The following PRKDC variants were observed in gnomAD, a reference collection of about 807,000 sequenced individuals.
PRKDC encodes the protein DNA-dependent protein kinase catalytic subunit.
A neutral mutation model predicts 486.9 loss-of-function variants in PRKDC; 82 were observed. That is an observed-to-expected ratio of 0.17 (90% CI 0.14 to 0.20). The LOEUF is 0.20. Ranked by LOEUF, PRKDC falls within the 10% of genes least tolerant of loss-of-function variation. The probability of loss-of-function intolerance (pLI) is 1.00; values close to 1 mark genes in which losing one functional copy is unlikely to be tolerated. For synonymous variants in PRKDC, 1,895 were observed against 1,837.0 expected, an observed-to-expected ratio of 1.03 and a Z score of -0.81; for missense variants, 4,504 against 5,038.2, an observed-to-expected ratio of 0.89 and a Z score of 3.21.
chr8:47,840,778 A>G (rs927506976), intron 54 of PRKDC, among the ~76,000 whole-genome samples: 1 of 152,220 alleles, frequency 6.6e-6, no homozygotes, highest in Non-Finnish European at 1.5e-5. Context: ...GTAGATACTC[A>G]GTGAATGTAA....
intron 76 of PRKDC, among the ~76,000 whole-genome samples, chr8:47,787,129 A>C (rs2086804864): frequency 6.6e-6 from 1 of 152,188 alleles, no homozygotes; most frequent in South Asian, 2.1e-4. Flanking sequence ...TTGAATTATA[A>C]ATCTGATATC....
chr8:47,900,832 G>A (rs1318296734), intron 27 of PRKDC, among the ~76,000 whole-genome samples: 4 of 151,068 alleles, frequency 2.6e-5, no homozygotes, highest in Non-Finnish European at 4.4e-5. Flanking sequence ...CTGGGCAACA[G>A]AGCAAGACTC....
intron 4 of PRKDC, 137 bp downstream of exon 4, chr8:47,955,737 G>A: frequency 1.6e-6 from 1 of 623,068 alleles, no homozygotes; most frequent in East Asian, 2.9e-5. Flanking sequence ...TGGAGAATGT[G>A]CATCTTACCC....
Position 47,799,467 on chromosome 8 carries a change from A to G in PRKDC, c.10117-77T>C, listed in dbSNP as rs527844512. 73 of 1,341,868 alleles carry G rather than the reference A, an allele frequency of 5.4e-5. No individual in the cohort carries two copies. In the South Asian group the frequency reaches 1.3e-3, roughly 23 times the overall value. 83.1% of individuals were successfully genotyped at this position (1,341,868 alleles called of 1,614,324 possible). Reference sequence around the variant, plus strand: ...GAACTCTGCTTTCCATTTGTGACTCATGACACATAAATGGATCAACAGCTC... The same window carrying G: ...GAACTCTGCTTTCCATTTGTGACTCGTGACACATAAATGGATCAACAGCTC... On this transcript the variant is annotated intron_variant, in intron 71 of 85. Coordinates refer to ENST00000314191, the MANE Select transcript of PRKDC (RefSeq NM_006904.7).
intron 17 of PRKDC, among the ~76,000 whole-genome samples, 177 bp downstream of exon 17, chr8:47,930,495 A>T (rs2090231998): frequency 6.6e-6 from 1 of 152,062 alleles, no homozygotes; most frequent in Non-Finnish European, 1.5e-5. Context: ...GATAGTCTTG[A>T]TCTCCTGACC....
chr8:47,820,462 T>A (rs557043902), intron 66 of PRKDC, among the ~76,000 whole-genome samples: 1 of 151,010 alleles, frequency 6.6e-6, no homozygotes, highest in Admixed American at 6.6e-5. Flanking sequence ...GGAAAAAAAA[T>A]GAAACCTTTC....
chr8:47,797,224 C>T (rs1417678377), intron 73 of PRKDC, among the ~76,000 whole-genome samples: 1 of 152,156 alleles, frequency 6.6e-6, no homozygotes. Flanking sequence ...GGTGTTTTGA[C>T]AACGTGGAGT....
At position 47,849,456 on chromosome 8, in the gene PRKDC, T is replaced by C. The variant is rs1245355127; in HGVS notation, c.7053A>G (p.Gln2351=). 1.2e-6 allele frequency: 2 copies of C among 1,614,046 alleles called. No homozygotes were observed. The highest frequency in any genetic ancestry group is 1.6e-4 in the Middle Eastern group (1 of 6,062). The part of the protein sequence containing the change: ...LCELVAKQLK[Q]HQNTMEDKFI... ...ACTTGTCCTCCATAGTATTCTGATG[T>C]TGCTTCAATTGTTTCGCAACCAGTT... The change falls in exon 53 of 86, where the codon CAA becomes CAG. Residue 2351 remains glutamine, a synonymous_variant. Transcript: ENST00000314191.
At chr8:47,932,536 A>C (rs1274294670) in intron 16 of PRKDC, among the ~76,000 whole-genome samples, 1 of 152,136 alleles carries the variant, frequency 6.6e-6, no homozygotes, top group Non-Finnish European at 1.5e-5. Flanking sequence ...ACTTATCTTT[A>C]ACTCAGGCTA....
intron 40 of PRKDC, among the ~76,000 whole-genome samples, chr8:47,868,174 C>T (rs1390616410): frequency 2.0e-5 from 3 of 152,068 alleles, no homozygotes; most frequent in Non-Finnish European, 4.4e-5. Flanking sequence ...TTATGTTGGT[C>T]TTGTTACTCG....
chr8:47,800,916 A>G lies in PRKDC; in HGVS notation c.9993T>C (p.Gly3331=). 6.2e-7 allele frequency: 1 copy of G among 1,613,980 alleles called. No individual in the cohort carries two copies. Among genetic ancestry groups the G allele is most frequent in the Non-Finnish European group, 8.5e-7 (1 of 1,179,878 alleles). The change falls in exon 71 of 86, where the codon GGT becomes GGC. Residue 3331 remains glycine (G), a synonymous_variant. Transcript: ENST00000314191. ...CATTCGCTATGATCCTGTAAGTTGT[A>G]CCCAAGAGAATGTTCTGGTCACGGA... ...LAFRDQNILL[G]TTYRIIANAL... is the part of the protein sequence containing the mutation.
At chr8:47,811,724 C>A (rs1377322189) in intron 68 of PRKDC, among the ~76,000 whole-genome samples, 2 of 152,134 alleles carry the variant, frequency 1.3e-5, no homozygotes, top group African/African-American at 4.8e-5. Context: ...CGCCTGTAAT[C>A]CCAGCACTTT....
rs1308933272 is a variant in PRKDC, at chr8:47,886,408, G to A, written c.4573-261C>T. Among the ~76,000 whole-genome samples the A allele has an allele frequency of 2.0e-5, 3 of 152,042 alleles. No individual in the cohort carries two copies. The East Asian group carries it at 5.8e-4, about 29-fold the overall frequency. ...GTCTTGTTGTTGTGTTTTATTTTTT[G>A]AGACAGGGTCTCGCTCTGTTGCCCA... is the stretch of plus-strand genomic sequence containing the variant. On this transcript the variant is annotated intron_variant, in intron 35 of 85. Transcript: ENST00000314191.
intron 40 of PRKDC, among the ~76,000 whole-genome samples, chr8:47,876,395 C>G (rs1229002662): frequency 1.3e-5 from 2 of 152,144 alleles, no homozygotes. Context: ...GGCGGGATGG[C>G]TCACATCTGT....
At chr8:47,860,479 C>G (rs2088651801) in intron 45 of PRKDC, among the ~76,000 whole-genome samples, 1 of 152,198 alleles carries the variant, frequency 6.6e-6, no homozygotes, top group Non-Finnish European at 1.5e-5. Context: ...TTGAGCAGCT[C>G]TGTCCTGCCG....
At chr8:47,899,987 T>G (rs2089651276) in intron 28 of PRKDC, among the ~76,000 whole-genome samples, 1 of 152,182 alleles carries the variant, frequency 6.6e-6, no homozygotes, top group African/African-American at 2.4e-5. Flanking sequence ...TGATCACGAG[T>G]GAGTGCAGAG....
chr8:47,799,390 C>A lies in PRKDC; in HGVS notation c.10117G>T (p.Val3373Leu). The change falls in exon 72 of 86, where the codon GTG becomes TTG. Residue 3373 changes from valine (V) to leucine (L), a missense_variant and splice_region_variant. Val to Leu is a conservative substitution (Grantham distance 32). Around this residue, in one of 6 missense-constraint regions of PRKDC, gnomAD observed 1,592 missense variants for 1,724.6 expected, o/e 0.92. Transcript: ENST00000314191. ...SGSSSEDSEK[V>L]IAGLYQRAFQ... Reference sequence around the variant, plus strand: ...GCTCTCTGGTACAGACCCGCGATCACCTGGAATTCACAGAGACCTAAACCC... The same window carrying A: ...GCTCTCTGGTACAGACCCGCGATCAACTGGAATTCACAGAGACCTAAACCC... 6.5e-7 allele frequency: 1 copy of A among 1,538,300 alleles called. No homozygotes were observed. Among genetic ancestry groups the A allele is most frequent in the Non-Finnish European group, 8.7e-7 (1 of 1,147,276 alleles).
At position 47,918,315 on chromosome 8, in the gene PRKDC, C is replaced by A; in HGVS notation, c.2488G>T (p.Val830Leu). 1 of 1,593,614 alleles carries A rather than the reference C, an allele frequency of 6.3e-7. No homozygotes were observed. Among genetic ancestry groups the A allele is most frequent in the Non-Finnish European group, 8.6e-7 (1 of 1,168,552 alleles). Residue 830 changes from valine (V) to leucine (L), a missense_variant, in exon 22 of 86, where the codon GTG becomes TTG. By Grantham distance (32) the Val-to-Leu change is conservative. Around this residue, in one of 6 missense-constraint regions of PRKDC, gnomAD observed 1,969 missense variants for 2,068.9 expected, o/e 0.95. Transcript: ENST00000314191. The part of the protein sequence containing the change: ...RAAQKGFNKV[V>L]LKHLKKTKNL... ...TTTGTCTTCTTCAGATGCTTTAACA[C>A]CACTTTATTAAATCCTTTCTGGGCA... is the stretch of plus-strand genomic sequence containing the variant.
intron 15 of PRKDC, among the ~76,000 whole-genome samples, chr8:47,933,637 T>C (rs1441909513): frequency 1.3e-5 from 2 of 152,200 alleles, no homozygotes; most frequent in Admixed American, 6.5e-5. Context: ...TACGTACAAA[T>C]ACATATATAT....
Sources: gnomAD v4.1 joint callset for allele counts (sites outside exome capture counted in the v4.1 genomes callset) on GRCh38, gnomAD v4.1.1 for gene constraint, gnomAD v4.1.1 regional missense constraint, MANE v1.5 for transcripts, NCBI Gene and HGNC (gene_info 2026-07-23, HGNC 2026-07-21) for gene names.